Variants in KIRREL1 observed in about 807,000 individuals in gnomAD.
KIRREL1 encodes kirre like nephrin family adhesion molecule 1, also known as kin of IRRE-like protein 1.
Under a neutral mutation model 83.3 loss-of-function variants are expected in KIRREL1, and 25 were observed. That is an observed-to-expected ratio of 0.30 (90% CI 0.22 to 0.42). The LOEUF (loss-of-function observed/expected upper bound fraction) is 0.42, where lower values mean the gene tolerates loss of function less well. KIRREL1 is among the 10% of genes least tolerant of loss of function. The pLI is 1.00. For synonymous variants in KIRREL1, 388 were observed against 410.4 expected (o/e 0.95, Z 0.66); for missense variants, 812 against 1,032.3 (o/e 0.79, Z 2.92).
chr1:158,089,637 G>C lies in KIRREL1; in HGVS notation c.1171+9G>C. On this transcript the variant is annotated intron_variant, in intron 9 of 14. Coordinates refer to ENST00000359209, the MANE Select transcript of KIRREL1 (RefSeq NM_018240.7). ...GCCGCTCTATGTGAACGGTGAGTGA[G>C]TGGCCTGAGAGGCAGCCGGGCCTGG... The C allele has an allele frequency of 2.5e-6, 4 of 1,613,346 alleles. No homozygotes were observed. The highest frequency in any genetic ancestry group is 1.1e-5 in the South Asian group (1 of 91,060).
Position 158,078,146 on chromosome 1 carries a change from G to T in KIRREL1, c.352+6G>T, listed in dbSNP as rs1406151249. 6.2e-7 allele frequency: 1 copy of T among 1,613,764 alleles called. No individual in the cohort carries two copies. The highest frequency in any genetic ancestry group is 8.5e-7 in the Non-Finnish European group (1 of 1,179,954). ...GGCCAAACTCACCGTGCTCAGTAAG[G>T]ACCCCAATACCCTTCAGTACTTCGA... On this transcript the variant is annotated splice_donor_region_variant and intron_variant, in intron 3 of 14. Coordinates refer to ENST00000359209, the MANE Select transcript of KIRREL1 (RefSeq NM_018240.7).
chr1:158,036,367 G>A (rs1164222852), intron 1 of KIRREL1, among the ~76,000 whole-genome samples: 1 of 152,208 alleles, frequency 6.6e-6, no homozygotes, highest in African/African-American at 2.4e-5. Context: ...AGTTTAGGTG[G>A]CTTAGGGAGC....
At chr1:158,028,426 G>C (rs1162171675) in intron 1 of KIRREL1, among the ~76,000 whole-genome samples, 1 of 152,184 alleles carries the variant, frequency 6.6e-6, no homozygotes, top group Non-Finnish European at 1.5e-5. Flanking sequence ...GAGAATTTGG[G>C]TTGCTTCTTT....
At chr1:158,022,430 G>C (rs573201894) in intron 1 of KIRREL1, among the ~76,000 whole-genome samples, 1 of 152,210 alleles carries the variant, frequency 6.6e-6, no homozygotes, top group South Asian at 2.1e-4. Flanking sequence ...AAACTGCCCA[G>C]TGCCACCCAG....
chr1:158,047,716 T>G (rs1353348978), intron 1 of KIRREL1, among the ~76,000 whole-genome samples: 1 of 152,118 alleles, frequency 6.6e-6, no homozygotes, highest in Non-Finnish European at 1.5e-5. Flanking sequence ...CACTTCATTA[T>G]TATAAAGATG....
intron 1 of KIRREL1, among the ~76,000 whole-genome samples, chr1:158,017,973 T>C (rs990476244): frequency 6.6e-6 from 1 of 151,756 alleles, no homozygotes; most frequent in Non-Finnish European, 1.5e-5. Flanking sequence ...TTGAAGGGAA[T>C]GTGAAGGGGG....
chr1:158,031,860 G>A (rs946469086), intron 1 of KIRREL1, among the ~76,000 whole-genome samples: 5 of 152,202 alleles, frequency 3.3e-5, no homozygotes, highest in Admixed American at 3.3e-4. Context: ...GAGGCAGGAG[G>A]AGCACTTGAC....
At chr1:158,047,972 C>T (rs953528905) in intron 1 of KIRREL1, among the ~76,000 whole-genome samples, 3 of 152,148 alleles carry the variant, frequency 2.0e-5, no homozygotes, top group Admixed American at 1.3e-4. Context: ...GAAACTTTTC[C>T]ACCCTCTGCC....
intron 1 of KIRREL1, among the ~76,000 whole-genome samples, chr1:158,054,966 C>A (rs140827115): frequency 6.6e-6 from 1 of 152,086 alleles, no homozygotes; most frequent in East Asian, 1.9e-4. Flanking sequence ...TTATTGAGCA[C>A]GGCACCAAGC....
intron 1 of KIRREL1, among the ~76,000 whole-genome samples, chr1:158,043,751 AT>A (rs1660703413): frequency 6.6e-6 from 1 of 152,104 alleles, no homozygotes; most frequent in Non-Finnish European, 1.5e-5. Context: ...CTGGGGCACA[AT>A]GAGACACTGG....
chr1:158,086,888 C>A (rs1662033314), intron 5 of KIRREL1, 142 bp downstream of exon 5: 2 of 777,846 alleles, frequency 2.6e-6, no homozygotes, highest in East Asian at 5.4e-5. Flanking sequence ...TCACATCTTT[C>A]ATTCCCTGGA....
chr1:158,014,571 ATCT>A (rs959419015), intron 1 of KIRREL1, among the ~76,000 whole-genome samples: 3 of 149,802 alleles, frequency 2.0e-5, no homozygotes, highest in Non-Finnish European at 2.9e-5. Flanking sequence ...CCTCCCTGTA[ATCT>A]TCTTTCCTTT....
intron 1 of KIRREL1, among the ~76,000 whole-genome samples, chr1:158,071,413 T>C (rs1019555807): frequency 5.3e-5 from 8 of 152,254 alleles, no homozygotes; most frequent in Admixed American, 2.0e-4. Flanking sequence ...TCAGTTTTTC[T>C]CTGCCTGTCT....
chr1:158,020,190 T>C (rs1405010707), intron 1 of KIRREL1, among the ~76,000 whole-genome samples: 1 of 152,106 alleles, frequency 6.6e-6, no homozygotes, highest in Non-Finnish European at 1.5e-5. Flanking sequence ...CTGGTCAGGA[T>C]ATCCCAGTCA....
intron 1 of KIRREL1, among the ~76,000 whole-genome samples, chr1:158,074,078 TG>T (rs1248114887): frequency 3.9e-5 from 6 of 152,130 alleles, no homozygotes; most frequent in Non-Finnish European, 7.3e-5. Flanking sequence ...TGAATAATAA[TG>T]AGGACAATGC....
At chr1:158,065,468 A>G (rs1317057543) in intron 1 of KIRREL1, among the ~76,000 whole-genome samples, 1 of 152,190 alleles carries the variant, frequency 6.6e-6, no homozygotes, top group African/African-American at 2.4e-5. Flanking sequence ...GTTAGACTCC[A>G]GGAAAAATTT....
At chr1:158,035,630 G>T (rs1660454995) in intron 1 of KIRREL1, among the ~76,000 whole-genome samples, 1 of 152,132 alleles carries the variant, frequency 6.6e-6, no homozygotes, top group Non-Finnish European at 1.5e-5. Context: ...AGGTGTTAAG[G>T]CTCAGAGAAG....
chr1:158,029,638 C>G (rs1275932343), intron 1 of KIRREL1, among the ~76,000 whole-genome samples: 1 of 151,978 alleles, frequency 6.6e-6, no homozygotes, highest in Non-Finnish European at 1.5e-5. Context: ...GAATGAGCAC[C>G]TGTAATATAG....
intron 1 of KIRREL1, among the ~76,000 whole-genome samples, chr1:158,001,007 G>A (rs1659345469): frequency 6.6e-6 from 1 of 152,202 alleles, no homozygotes; most frequent in East Asian, 1.9e-4. Context: ...AGGCAGGGAA[G>A]GGATAACAGG....
Sources: allele counts gnomAD v4.1 joint callset (sites outside exome capture counted in the v4.1 genomes callset), GRCh38; gene constraint gnomAD v4.1.1; transcripts MANE v1.5; gene names NCBI Gene and HGNC (gene_info 2026-07-23, HGNC 2026-07-21).